The following HNRNPUL1 variants were observed in gnomAD, a reference collection of about 807,000 sequenced individuals.
HNRNPUL1 encodes the protein heterogeneous nuclear ribonucleoprotein U-like protein 1.
In HNRNPUL1, 14 loss-of-function variants were observed where a neutral mutation model predicts 108.5. That is an observed-to-expected ratio of 0.13 (90% CI 0.09 to 0.20). The LOEUF is 0.20. HNRNPUL1 is among the 10% of genes least tolerant of loss of function. HNRNPUL1 has a pLI of 1.00. For missense variants in HNRNPUL1, 804 were observed against 1,168.3 expected (o/e 0.69, Z 4.55); for synonymous variants, 422 against 445.2 (o/e 0.95, Z 0.66).
In HNRNPUL1 at chr19:41,275,216, T is replaced by C. The variant is rs527869206; in HGVS notation, c.647-943T>C. 2.0e-5 allele frequency among the ~76,000 whole-genome samples: 3 copies of C among 152,238 alleles called. No individual in the cohort carries two copies. In the South Asian group the frequency reaches 6.2e-4, roughly 32 times the overall value. On this transcript the variant is annotated intron_variant, in intron 4 of 14. Coordinates refer to ENST00000392006, the MANE Select transcript of HNRNPUL1 (RefSeq NM_007040.6). ...GGAAACAGAAGTCCGGTTCCCAAAT[T>C]GATAGAATTACCACAGAGGGCGGTA...
At chr19:41,266,450 G>A (rs1356462727) in intron 1 of HNRNPUL1, among the ~76,000 whole-genome samples, 3 of 151,010 alleles carry the variant, frequency 2.0e-5, no homozygotes, top group East Asian at 3.9e-4. Flanking sequence ...GAAAAAAGCA[G>A]CTTTCTTTCT....
intron 5 of HNRNPUL1, 40 bp from the exon 6 acceptor site, chr19:41,279,037 C>T (rs1414793380): frequency 6.7e-7 from 1 of 1,484,456 alleles, no homozygotes; most frequent in Non-Finnish European, 9.4e-7. Flanking sequence ...CTACGGCCTC[C>T]AGAGAAGCAA....
chr19:41,280,447 T>A (rs1186856132), intron 6 of HNRNPUL1, among the ~76,000 whole-genome samples: 1 of 152,040 alleles, frequency 6.6e-6, no homozygotes, highest in East Asian at 1.9e-4. Context: ...TATTTAAGAC[T>A]CATAAGTCAT....
intron 7 of HNRNPUL1, among the ~76,000 whole-genome samples, chr19:41,291,410 C>T (rs1279412394): frequency 1.3e-5 from 2 of 152,280 alleles, no homozygotes; most frequent in East Asian, 1.9e-4. Flanking sequence ...CGAAAAGGCC[C>T]TGCGGTGGCT....
intron 4 of HNRNPUL1, 67 bp from the exon 5 acceptor site, chr19:41,276,091 GA>G (rs891773663): frequency 1.2e-6 from 2 of 1,604,122 alleles, no homozygotes; most frequent in Admixed American, 3.3e-5. Context: ...CAAAAAGAGT[GA>G]AACTCCGTCT....
rs199588324 is a variant in HNRNPUL1, at chr19:41,305,780, C to T, written c.2367C>T (p.Tyr789=). Reference sequence around the variant, plus strand: ...CACCTGCCTACAACTATGGGAGCTACGGCGGTTACAACCCGGCCCCCTATA... The same window carrying T: ...CACCTGCCTACAACTATGGGAGCTATGGCGGTTACAACCCGGCCCCCTATA... ...PPPPAYNYGS[Y]GGYNPAPYTP... is the part of the protein sequence containing the mutation. The change falls in exon 14 of 15, where the codon TAC becomes TAT. Residue 789 remains tyrosine (Y), a synonymous_variant. Transcript: ENST00000392006. 20 of 1,613,768 alleles carry T rather than the reference C, an allele frequency of 1.2e-5. No homozygotes were observed. The highest frequency in any genetic ancestry group is 1.2e-4 in the African/African-American group (9 of 75,004).
chr19:41,292,000 A>C (rs867318899), intron 7 of HNRNPUL1: 78 of 519,102 alleles, frequency 1.5e-4, no homozygotes, highest in African/African-American at 1.4e-3. Flanking sequence ...AAAACAAAAA[A>C]AAAAAACTCT....
rs914361323 is a variant in HNRNPUL1 at position 41,279,127 on chromosome 19, C to T, written c.837C>T (p.Pro279=). Residue 279 remains proline (P), a synonymous_variant, in exon 6 of 15, where the codon CCC becomes CCT. Transcript: ENST00000392006. ...VKHLPSTEPD[P]HVVRIGWSLD... ...ACCTTCCGTCTACAGAGCCTGACCCCCACGTGGTCCGTATCGGCTGGTCCC... is the reference window on the plus strand; with the variant it reads ...ACCTTCCGTCTACAGAGCCTGACCCTCACGTGGTCCGTATCGGCTGGTCCC... 3 of 1,613,944 alleles carry T rather than the reference C, an allele frequency of 1.9e-6. No homozygotes were observed. Among genetic ancestry groups the T allele is most frequent in the South Asian group, 1.1e-5 (1 of 91,078 alleles).
intron 11 of HNRNPUL1, 34 bp downstream of exon 11, chr19:41,301,738 T>TG: frequency 1.9e-6 from 3 of 1,582,502 alleles, no homozygotes; most frequent in Non-Finnish European, 2.6e-6. Context: ...GGAACGTCAA[T>TG]GCAGGGTCCT....
chr19:41,282,856 AT>A (rs2035984781), intron 7 of HNRNPUL1, among the ~76,000 whole-genome samples: 2 of 149,692 alleles, frequency 1.3e-5, no homozygotes, highest in Non-Finnish European at 3.0e-5. Context: ...CGCCCGGCTA[AT>A]TTTTTGTATT....
chr19:41,302,299 A>G (rs1599853577), intron 11 of HNRNPUL1: 2 of 325,826 alleles, frequency 6.1e-6, no homozygotes, highest in Non-Finnish European at 5.9e-6. Context: ...GCTCACCGCA[A>G]CCTCCGCCTC....
At chr19:41,269,178 G>A (rs1328085588) in intron 2 of HNRNPUL1, among the ~76,000 whole-genome samples, 1 of 151,738 alleles carries the variant, frequency 6.6e-6, no homozygotes, top group Non-Finnish European at 1.5e-5. Flanking sequence ...TGTGTGTCAG[G>A]CCTCAGGCCA....
chr19:41,304,260 A>G lies in HNRNPUL1; in HGVS notation c.2261A>G (p.Gln754Arg). 6.2e-7 allele frequency: 1 copy of G among 1,600,988 alleles called. No homozygotes were observed. Among genetic ancestry groups the G allele is most frequent in the Non-Finnish European group, 8.5e-7 (1 of 1,172,282 alleles). ...TPTVSSYSPP[Q>R]PSYSQPPYNQ... ...ACCGTCAGCAGCTACAGCCCTCCAC[A>G]GGTGAGAGAATGAGTGTGTGTTTGT... The change falls in exon 13 of 15, where the codon CAG (glutamine) becomes CGG (arginine). Residue 754 changes from glutamine to arginine, a missense_variant and splice_region_variant. Physicochemically the swap from Gln to Arg is conservative, Grantham distance 43. Around this residue, in one of 4 missense-constraint regions of HNRNPUL1, gnomAD observed 294 missense variants for 388.3 expected, o/e 0.76. Transcript: ENST00000392006.
intron 7 of HNRNPUL1, among the ~76,000 whole-genome samples, chr19:41,281,868 C>T (rs930378139): frequency 1.3e-5 from 2 of 152,208 alleles, no homozygotes; most frequent in Admixed American, 6.5e-5. Context: ...TTATGTTCTT[C>T]CATTCAAGCC....
chr19:41,303,867 C>T (rs749312053), intron 12 of HNRNPUL1, 105 bp from the exon 13 acceptor site: 17 of 1,392,458 alleles, frequency 1.2e-5, no homozygotes, highest in Non-Finnish European at 1.6e-5. Context: ...AGTTCTTGCT[C>T]TGCGCCTGGC....
At chr19:41,281,494 G>A (rs2035896887) in intron 7 of HNRNPUL1, among the ~76,000 whole-genome samples, 1 of 151,970 alleles carries the variant, frequency 6.6e-6, no homozygotes, top group Non-Finnish European at 1.5e-5. Flanking sequence ...ATGACACCCT[G>A]AAGAGGTTTG....
chr19:41,293,993 T>G (rs1362915887), intron 8 of HNRNPUL1, among the ~76,000 whole-genome samples: 1 of 152,068 alleles, frequency 6.6e-6, no homozygotes, highest in Admixed American at 6.5e-5. Context: ...GGCAATAGAG[T>G]GAGACCCTGT....
intron 4 of HNRNPUL1, 102 bp from the exon 5 acceptor site, chr19:41,276,057 C>G (rs561641394): frequency 3.4e-6 from 5 of 1,476,120 alleles, no homozygotes; most frequent in Non-Finnish European, 4.7e-6. Context: ...GAGCCAAGAT[C>G]GCACCATTGC....
intron 1 of HNRNPUL1, chr19:41,265,477 C>A: frequency 8.4e-7 from 1 of 1,186,536 alleles, no homozygotes; most frequent in Non-Finnish European, 1.1e-6. Flanking sequence ...GCACCCCCAT[C>A]TCTCTTCCGG....
Sources: allele counts gnomAD v4.1 joint callset (sites outside exome capture counted in the v4.1 genomes callset), GRCh38; gene constraint gnomAD v4.1.1; regional missense constraint gnomAD v4.1.1; transcripts MANE v1.5; gene names NCBI Gene and HGNC (gene_info 2026-07-23, HGNC 2026-07-21).